Variants in KCNH5 observed in about 807,000 individuals in gnomAD.
KCNH5 encodes the protein potassium voltage-gated channel subfamily H member 5.
In KCNH5, 46 loss-of-function variants were observed where a neutral mutation model predicts 96.1. The observed-to-expected ratio is 0.48, with a 90% CI of 0.38 to 0.61. The LOEUF (loss-of-function observed/expected upper bound fraction) is 0.61. Among genes scored for constraint, KCNH5 ranks in the 20% least tolerant of loss-of-function variants. KCNH5 has a pLI of 0.00. For synonymous variants in KCNH5, 439 were observed against 449.8 expected (o/e 0.98, Z 0.30); for missense variants, 907 against 1,225.8 (o/e 0.74, Z 3.88).
chr14:62,991,252 A>C (rs1566530853), intron 4 of KCNH5, among the ~76,000 whole-genome samples: 1 of 152,096 alleles, frequency 6.6e-6, no homozygotes, highest in Non-Finnish European at 1.5e-5. Context: ...AAGAAAATAC[A>C]TTCAGTTCTT....
At chr14:62,924,591 G>T (rs1488546909) in intron 7 of KCNH5, among the ~76,000 whole-genome samples, 1 of 151,824 alleles carries the variant, frequency 6.6e-6, no homozygotes, top group East Asian at 1.9e-4. Flanking sequence ...ACAGATGAAT[G>T]AATAAAGAAA....
At chr14:62,837,095 G>T (rs1409778332) in intron 8 of KCNH5, among the ~76,000 whole-genome samples, 2 of 152,166 alleles carry the variant, frequency 1.3e-5, no homozygotes, top group African/African-American at 4.8e-5. Flanking sequence ...TTAGAGATGG[G>T]CACAGTCCCT....
At chr14:62,935,386 C>A (rs562266937) in intron 7 of KCNH5, among the ~76,000 whole-genome samples, 2 of 151,872 alleles carry the variant, frequency 1.3e-5, no homozygotes, top group African/African-American at 2.4e-5. Context: ...GAAAGACAAG[C>A]AATAATTACA....
At chr14:62,965,127 T>TAAGAA (rs1890281952) in intron 6 of KCNH5, among the ~76,000 whole-genome samples, 1 of 152,074 alleles carries the variant, frequency 6.6e-6, no homozygotes, top group East Asian at 1.9e-4. Context: ...AAGGGATTTG[T>TAAGAA]TTTTTTCATT....
At chr14:62,952,213 A>C (rs1457501561) in intron 6 of KCNH5, among the ~76,000 whole-genome samples, 1 of 152,190 alleles carries the variant, frequency 6.6e-6, no homozygotes, top group Non-Finnish European at 1.5e-5. Context: ...ATTGTAGCAT[A>C]TATACAGCCT....
At chr14:62,715,692 G>T (rs1049854896) in intron 10 of KCNH5, among the ~76,000 whole-genome samples, 2 of 151,946 alleles carry the variant, frequency 1.3e-5, no homozygotes. Flanking sequence ...GCTCTCCGAG[G>T]GCACAAAATG....
At chr14:62,817,092 TTATATATAATTATA>T (rs1566670053) in intron 8 of KCNH5, among the ~76,000 whole-genome samples, 2 of 137,682 alleles carry the variant, frequency 1.5e-5, no homozygotes, top group Non-Finnish European at 3.1e-5. Flanking sequence ...ATATTATATA[TTATATATAATTATA>T]TATGACATAA....
chr14:62,948,558 A>T (rs1023411845), intron 7 of KCNH5, among the ~76,000 whole-genome samples: 8 of 152,044 alleles, frequency 5.3e-5, no homozygotes, highest in African/African-American at 1.9e-4. Context: ...AGATGGATTC[A>T]CAGCCGAATT....
At chr14:62,757,443 T>C (rs1885647547) in intron 10 of KCNH5, among the ~76,000 whole-genome samples, 1 of 152,144 alleles carries the variant, frequency 6.6e-6, no homozygotes, top group Non-Finnish European at 1.5e-5. Context: ...CTGCTGGGTA[T>C]ATACCCAAAA....
intron 8 of KCNH5, among the ~76,000 whole-genome samples, chr14:62,845,982 AT>A (rs1238376902): frequency 6.6e-6 from 1 of 152,192 alleles, no homozygotes; most frequent in Non-Finnish European, 1.5e-5. Flanking sequence ...ATACCACCAA[AT>A]TTAAAATATT....
At chr14:62,961,743 C>T (rs1164861602) in intron 6 of KCNH5, among the ~76,000 whole-genome samples, 2 of 151,360 alleles carry the variant, frequency 1.3e-5, no homozygotes, top group Non-Finnish European at 2.9e-5. Flanking sequence ...GAGATGGATA[C>T]AGGGATGGGG....
chr14:62,982,446 A>G (rs1566729937), intron 5 of KCNH5, among the ~76,000 whole-genome samples: 1 of 152,274 alleles, frequency 6.6e-6, no homozygotes, highest in East Asian at 1.9e-4. Context: ...AATATTTTCA[A>G]CAGATTTGCC....
intron 7 of KCNH5, among the ~76,000 whole-genome samples, chr14:62,912,238 T>C (rs148410553): frequency 1.3e-5 from 2 of 152,150 alleles, no homozygotes; most frequent in African/African-American, 4.8e-5. Context: ...AAATTCAGTG[T>C]TAATAATTTT....
chr14:62,845,540 G>C (rs556641330), intron 8 of KCNH5, among the ~76,000 whole-genome samples: 5 of 152,234 alleles, frequency 3.3e-5, no homozygotes, highest in African/African-American at 1.2e-4. Context: ...ACTATACAGG[G>C]GACAAAGGTG....
At chr14:62,881,540 C>T (rs143949684) in intron 7 of KCNH5, among the ~76,000 whole-genome samples, 112 of 152,098 alleles carry the variant, frequency 7.4e-4, no homozygotes, top group African/African-American at 2.4e-3. Flanking sequence ...TGGCTTAATA[C>T]GTGGGTGATG....
Position 62,708,137 on chromosome 14 carries a change from C to T in KCNH5, c.2338G>A (p.Asp780Asn). Residue 780 changes from aspartate (D) to asparagine (N), a missense_variant, in exon 11 of 11, where the codon GAT becomes AAT. Physicochemically the swap from Asp to Asn is conservative, Grantham distance 23. This residue lies in a region of KCNH5 where 362 missense variants were observed against 394.4 expected (regional missense o/e 0.92). Coordinates refer to ENST00000322893, the MANE Select transcript of KCNH5 (RefSeq NM_139318.5). ...CCGTTGGGCTTGAGTTCCATGGCAT[C>T]ACGGTTGTTCTGCTTAAGGGATTCA... is the stretch of plus-strand genomic sequence containing the variant. ...TSESLKQNNR[D>N]AMELKPNGGA... is the part of the protein sequence containing the mutation. 3 of 1,614,218 alleles carry T rather than the reference C, an allele frequency of 1.9e-6. No homozygotes were observed. The highest frequency in any genetic ancestry group is 2.5e-6 in the Non-Finnish European group (3 of 1,180,042).
chr14:63,032,136 T>G (rs1891640805), intron 1 of KCNH5, among the ~76,000 whole-genome samples: 1 of 150,902 alleles, frequency 6.6e-6, no homozygotes, highest in Non-Finnish European at 1.5e-5. Context: ...AATTTATAGA[T>G]TTGCCAAGAT....
chr14:62,979,758 T>C (rs572560483), intron 6 of KCNH5, among the ~76,000 whole-genome samples: 14 of 152,356 alleles, frequency 9.2e-5, no homozygotes, highest in Non-Finnish European at 4.4e-5. Flanking sequence ...AACTTAAATA[T>C]CATCCACTAT....
chr14:62,967,606 T>C (rs1890328001), intron 6 of KCNH5, among the ~76,000 whole-genome samples: 1 of 152,140 alleles, frequency 6.6e-6, no homozygotes, highest in Non-Finnish European at 1.5e-5. Context: ...GTGTGTTGTG[T>C]GAAAGCAGGG....
Sources: gnomAD v4.1 joint callset for allele counts (sites outside exome capture counted in the v4.1 genomes callset) on GRCh38, gnomAD v4.1.1 for gene constraint, gnomAD v4.1.1 regional missense constraint, MANE v1.5 for transcripts, NCBI Gene and HGNC (gene_info 2026-07-23, HGNC 2026-07-21) for gene names.